The following GPC5 variants were observed in gnomAD, a reference collection of about 807,000 sequenced individuals.
GPC5 encodes glypican 5, also known as glypican-5.
In GPC5, 47 loss-of-function variants were observed where a neutral mutation model predicts 53.9. That is an observed-to-expected ratio of 0.87 (90% CI 0.69 to 1.11). The LOEUF (loss-of-function observed/expected upper bound fraction) is 1.11, where lower values mean the gene tolerates loss of function less well. Among genes scored for constraint, GPC5 ranks in the 50% most tolerant of loss-of-function variants. GPC5 has a pLI of 0.00. For missense variants in GPC5, 748 were observed against 713.1 expected, an observed-to-expected ratio of 1.05 and a Z score of -0.56; for synonymous variants, 286 against 263.3, an observed-to-expected ratio of 1.09 and a Z score of -0.84.
intron 2 of GPC5, among the ~76,000 whole-genome samples, chr13:91,627,691 TATAAA>T (rs1017155681): frequency 6.6e-6 from 1 of 152,090 alleles, no homozygotes; most frequent in African/African-American, 2.4e-5. Context: ...GTACTTGAAA[TATAAA>T]ATAAAGTTTG....
At chr13:91,746,013 A>G (rs772031637) in intron 4 of GPC5, among the ~76,000 whole-genome samples, 7 of 152,260 alleles carry the variant, frequency 4.6e-5, no homozygotes. Flanking sequence ...TTTGTCAAAT[A>G]GAATGACAGG....
chr13:91,441,518 A>G (rs1880424891), intron 1 of GPC5, among the ~76,000 whole-genome samples: 1 of 152,162 alleles, frequency 6.6e-6, no homozygotes, highest in Admixed American at 6.5e-5. Flanking sequence ...GCATTTGCGA[A>G]TCTTGCACCT....
At chr13:91,503,567 G>T (rs1237157512) in intron 2 of GPC5, among the ~76,000 whole-genome samples, 2 of 151,632 alleles carry the variant, frequency 1.3e-5, no homozygotes, top group Non-Finnish European at 2.9e-5. Context: ...GGATCACGAG[G>T]TCAGGAGATG....
chr13:92,158,692 G>T (rs960929315), intron 7 of GPC5, among the ~76,000 whole-genome samples: 3 of 144,796 alleles, frequency 2.1e-5, no homozygotes, highest in Non-Finnish European at 4.4e-5. Flanking sequence ...AACATCTCTT[G>T]CCCAATTGGT....
At chr13:92,667,643 A>G (rs558766536) in intron 7 of GPC5, among the ~76,000 whole-genome samples, 1 of 151,978 alleles carries the variant, frequency 6.6e-6, no homozygotes, top group African/African-American at 2.4e-5. Context: ...GATGGCTGAC[A>G]TTGCTGCTTT....
intron 7 of GPC5, among the ~76,000 whole-genome samples, chr13:92,761,303 G>A (rs942613619): frequency 2.0e-5 from 3 of 152,142 alleles, no homozygotes; most frequent in African/African-American, 7.2e-5. Context: ...AAGTAGATGG[G>A]CCTATAGGAA....
intron 5 of GPC5, among the ~76,000 whole-genome samples, chr13:91,902,417 T>G (rs1393187486): frequency 6.6e-6 from 1 of 152,078 alleles, no homozygotes; most frequent in South Asian, 2.1e-4. Flanking sequence ...GGCTTGCCTT[T>G]TTTCCTTGTT....
At chr13:91,692,785 A>G (rs555852063) in intron 2 of GPC5, among the ~76,000 whole-genome samples, 5 of 152,314 alleles carry the variant, frequency 3.3e-5, no homozygotes, top group Non-Finnish European at 5.9e-5. Flanking sequence ...CTGGGATTAC[A>G]GGCATCTGCC....
intron 7 of GPC5, among the ~76,000 whole-genome samples, chr13:92,468,686 C>T (rs1878796145): frequency 6.6e-6 from 1 of 152,130 alleles, no homozygotes; most frequent in Non-Finnish European, 1.5e-5. Flanking sequence ...CACACAAACA[C>T]ACACATACAG....
intron 6 of GPC5, among the ~76,000 whole-genome samples, chr13:91,926,539 G>C (rs990244064): frequency 2.6e-5 from 4 of 152,034 alleles, no homozygotes; most frequent in African/African-American, 9.7e-5. Flanking sequence ...ATCCTCCTCA[G>C]TGCCCCCAGG....
intron 3 of GPC5, among the ~76,000 whole-genome samples, chr13:91,715,601 G>A (rs1178347436): frequency 6.6e-6 from 1 of 152,076 alleles, no homozygotes; most frequent in Non-Finnish European, 1.5e-5. Context: ...CACCATTTGG[G>A]ATTGCTTATG....
Position 92,751,302 on chromosome 13 carries a change from T to TAAAAAAAAAA in GPC5, c.1562-114980_1562-114979insAAAAAAAAAA, listed in dbSNP as rs1566400471. Among the ~76,000 whole-genome samples the TAAAAAAAAAA allele has an allele frequency of 4.6e-3, 157 of 34,406 alleles. 36 individuals are homozygous for TAAAAAAAAAA. The highest frequency in any genetic ancestry group is 0.026 in the Admixed American group (67 of 2,588). The allele number at this position is 34,406 out of a possible 152,430, so 22.6% of individuals were successfully genotyped here. ...AAAACCTTTGGTCATCCAGAAACAT[T>TAAAAAAAAAA]TAAAAAAAAAAAAAAAAAAAAAAAA... is the stretch of plus-strand genomic sequence containing the variant. On this transcript the variant is annotated intron_variant, in intron 7 of 7. Coordinates refer to ENST00000377067, the MANE Select transcript of GPC5 (RefSeq NM_004466.6).
At chr13:92,660,126 T>C (rs1438594991) in intron 7 of GPC5, among the ~76,000 whole-genome samples, 2 of 152,208 alleles carry the variant, frequency 1.3e-5, no homozygotes, top group Non-Finnish European at 2.9e-5. Context: ...AGAATTTCCT[T>C]TGAAGTTTAT....
chr13:92,691,752 C>G (rs1887407108), intron 7 of GPC5, among the ~76,000 whole-genome samples: 1 of 150,838 alleles, frequency 6.6e-6, no homozygotes, highest in East Asian at 1.9e-4. Context: ...CTAAAATTTT[C>G]TATATAGATG....
intron 7 of GPC5, among the ~76,000 whole-genome samples, chr13:92,380,961 A>C (rs1396861859): frequency 6.6e-6 from 1 of 152,172 alleles, no homozygotes; most frequent in Admixed American, 6.5e-5. Flanking sequence ...TAAGGATTTC[A>C]CTTTTGAGAC....
At chr13:91,937,120 A>G (rs1297147513) in intron 6 of GPC5, among the ~76,000 whole-genome samples, 1 of 152,036 alleles carries the variant, frequency 6.6e-6, no homozygotes, top group Non-Finnish European at 1.5e-5. Context: ...AATTTAAATG[A>G]CAAATCTTTG....
intron 6 of GPC5, among the ~76,000 whole-genome samples, chr13:92,120,694 T>C (rs2041642067): frequency 6.6e-6 from 1 of 152,238 alleles, no homozygotes. Context: ...TATGTATGGA[T>C]ATATTTGTAA....
At chr13:91,851,590 G>A (rs9301757) in intron 5 of GPC5, among the ~76,000 whole-genome samples, 6,555 of 148,680 alleles carry the variant, frequency 0.044, 300 homozygotes, top group East Asian at 0.21. Context: ...ATGCTGGTGC[G>A]CTGCACCCAC....
At chr13:92,036,059 A>G (rs1327608863) in intron 6 of GPC5, among the ~76,000 whole-genome samples, 1 of 152,230 alleles carries the variant, frequency 6.6e-6, no homozygotes. Flanking sequence ...CACATCAACC[A>G]TATGTAAAAT....
Sources: allele counts gnomAD v4.1 joint callset (sites outside exome capture counted in the v4.1 genomes callset), GRCh38; gene constraint gnomAD v4.1.1; transcripts MANE v1.5; gene names NCBI Gene and HGNC (gene_info 2026-07-23, HGNC 2026-07-21).